The following TTC28 variants were observed in gnomAD, a reference collection of about 807,000 sequenced individuals.
TTC28 encodes tetratricopeptide repeat protein 28.
TTC28 carries 61 observed loss-of-function variants against 198.0 expected under a neutral mutation model. The ratio of observed to expected loss-of-function variants is 0.31; its 90% CI spans 0.25 to 0.38. TTC28 has a LOEUF of 0.38. TTC28 is among the 10% of genes least tolerant of loss of function. The probability of loss-of-function intolerance (pLI) is 1.00; values close to 1 mark genes in which losing one functional copy is unlikely to be tolerated. For synonymous variants in TTC28, 1,171 were observed against 1,297.8 expected (o/e 0.90, Z 2.10); for missense variants, 2,678 against 3,164.0 (o/e 0.85, Z 3.69).
intron 6 of TTC28, among the ~76,000 whole-genome samples, chr22:28,157,349 A>G (rs1943772137): frequency 6.6e-6 from 1 of 152,234 alleles, no homozygotes; most frequent in Non-Finnish European, 1.5e-5. Flanking sequence ...TGATGGCTTC[A>G]TTGATGAATT....
intron 2 of TTC28, among the ~76,000 whole-genome samples, chr22:28,330,251 A>G (rs2045594068): frequency 6.6e-6 from 1 of 152,212 alleles, no homozygotes; most frequent in African/African-American, 2.4e-5. Context: ...CCCTAGTATT[A>G]CCTATATTTC....
intron 5 of TTC28, among the ~76,000 whole-genome samples, chr22:28,261,488 C>T (rs1360964953): frequency 6.6e-6 from 1 of 152,070 alleles, no homozygotes; most frequent in Non-Finnish European, 1.5e-5. Context: ...AGGATCTTGG[C>T]TTTTATTCTA....
intron 13 of TTC28, among the ~76,000 whole-genome samples, chr22:28,017,989 G>A (rs1569085200): frequency 6.6e-6 from 1 of 152,188 alleles, no homozygotes; most frequent in African/African-American, 2.4e-5. Flanking sequence ...AGGCCGCCAA[G>A]CCCACCTGTG....
intron 2 of TTC28, among the ~76,000 whole-genome samples, chr22:28,392,673 G>T (rs1049460100): frequency 6.6e-6 from 1 of 152,156 alleles, no homozygotes; most frequent in African/African-American, 2.4e-5. Flanking sequence ...CGCTTCCCGA[G>T]TGAGGCAATG....
chr22:28,651,311 C>CTTTTTTTTTTTT (rs111469498), intron 1 of TTC28, among the ~76,000 whole-genome samples: 1 of 147,456 alleles, frequency 6.8e-6, no homozygotes, highest in Non-Finnish European at 1.5e-5. Flanking sequence ...TCTGTCACTC[C>CTTTTTTTTTTTT]TTTTTTTTGA....
chr22:28,290,960 C>T (rs556129228), intron 5 of TTC28, among the ~76,000 whole-genome samples: 81 of 151,744 alleles, frequency 5.3e-4, no homozygotes, highest in Non-Finnish European at 9.9e-4. Context: ...CAATAAGATA[C>T]CTGAAGTGTA....
chr22:28,096,293 A>G lies in TTC28; in HGVS notation c.3663T>C (p.Thr1221=), dbSNP rs1317236918. 3 of 1,551,788 alleles carry G rather than the reference A, an allele frequency of 1.9e-6. No homozygotes were observed. Among genetic ancestry groups the G allele is most frequent in the African/African-American group, 1.4e-5 (1 of 73,028 alleles). ...QQDSDPYSPV[T]IDQILEMVNG... ...TTACCATCTCTAAGATCTGATCAAT[A>G]GTGACTGGGGAGTAGGGGTCGGAGT... The change falls in exon 11 of 23, where the codon ACT becomes ACC. Residue 1221 remains threonine (T), a synonymous_variant. Transcript: ENST00000397906.
chr22:28,536,182 G>A (rs1363009326), intron 2 of TTC28, among the ~76,000 whole-genome samples: 6 of 113,218 alleles, frequency 5.3e-5, no homozygotes, highest in African/African-American at 1.3e-4. Context: ...CTGGGCGACA[G>A]AGCGAGACAC....
intron 2 of TTC28, among the ~76,000 whole-genome samples, chr22:28,597,790 C>T (rs1247870298): frequency 1.3e-5 from 2 of 152,044 alleles, no homozygotes; most frequent in Admixed American, 6.5e-5. Flanking sequence ...ATCCTCTTAC[C>T]TTTTGCGGGG....
intron 12 of TTC28, among the ~76,000 whole-genome samples, chr22:28,065,444 A>ATTC (rs1226024007): frequency 6.6e-6 from 1 of 152,188 alleles, no homozygotes; most frequent in Non-Finnish European, 1.5e-5. Flanking sequence ...GTGCCATAAC[A>ATTC]TTCTTCTTCT....
chr22:28,674,738 G>C (rs2145716922), intron 1 of TTC28, among the ~76,000 whole-genome samples: 1 of 148,544 alleles, frequency 6.7e-6, no homozygotes, highest in South Asian at 2.1e-4. Flanking sequence ...AGGATCACTT[G>C]AACCCAGGAG....
Position 27,981,784 on chromosome 22 carries a change from C to T in TTC28, c.*437G>A, listed in dbSNP as rs191734352. On this transcript the variant is annotated 3_prime_UTR_variant, in exon 23 of 23. Transcript: ENST00000397906. ...ATATATCCCACCCCCAACCAGCAAC[C>T]GAAAGCCTTAGAAAAAGCTCTATTT... 1.9e-3 allele frequency: 291 copies of T among 156,526 alleles called. No individual in the cohort carries two copies. The highest frequency in any genetic ancestry group is 6.1e-3 in the African/African-American group (254 of 41,642). The allele number at this position is 156,526 out of a possible 1,614,324, so 9.7% of individuals were successfully genotyped here. A position where few individuals can be genotyped will look rare whatever the true frequency, so the allele number is the denominator to read the frequency against.
At chr22:28,456,664 C>CT (rs1345747297) in intron 2 of TTC28, among the ~76,000 whole-genome samples, 4 of 152,236 alleles carry the variant, frequency 2.6e-5, no homozygotes, top group Admixed American at 6.5e-5. Flanking sequence ...CAACCTCCAC[C>CT]CCCAGGATTC....
At chr22:28,419,932 T>A (rs576074861) in intron 2 of TTC28, among the ~76,000 whole-genome samples, 30 of 152,308 alleles carry the variant, frequency 2.0e-4, no homozygotes, top group Non-Finnish European at 3.8e-4. Context: ...GATCTTGAAA[T>A]CCATATTACA....
At chr22:28,588,284 T>C (rs1233444860) in intron 2 of TTC28, among the ~76,000 whole-genome samples, 1 of 152,258 alleles carries the variant, frequency 6.6e-6, no homozygotes, top group Non-Finnish European at 1.5e-5. Flanking sequence ...AATTTACCTT[T>C]AAATGTCATT....
At chr22:28,653,295 G>A (rs1043792858) in intron 1 of TTC28, among the ~76,000 whole-genome samples, 1 of 152,146 alleles carries the variant, frequency 6.6e-6, no homozygotes, top group Non-Finnish European at 1.5e-5. Context: ...CTTGAGCCCA[G>A]GAGTTCCAGA....
At chr22:28,229,643 A>G (rs968276566) in intron 5 of TTC28, among the ~76,000 whole-genome samples, 1 of 152,204 alleles carries the variant, frequency 6.6e-6, no homozygotes, top group Non-Finnish European at 1.5e-5. Context: ...GGCAACAAGC[A>G]GCTTCCTAAG....
chr22:28,501,363 T>C (rs2048536305), intron 2 of TTC28, among the ~76,000 whole-genome samples: 1 of 152,052 alleles, frequency 6.6e-6, no homozygotes, highest in Non-Finnish European at 1.5e-5. Flanking sequence ...GGAAAGCAAA[T>C]GAGTGTAAAA....
intron 2 of TTC28, among the ~76,000 whole-genome samples, chr22:28,430,036 A>ATTTTTTT (rs919396993): frequency 9.1e-6 from 1 of 109,976 alleles, no homozygotes. Flanking sequence ...CTGGAATATG[A>ATTTTTTT]TTTTTTTTTT....
Sources: allele counts gnomAD v4.1 joint callset (sites outside exome capture counted in the v4.1 genomes callset), GRCh38; gene constraint gnomAD v4.1.1; transcripts MANE v1.5; gene names NCBI Gene and HGNC (gene_info 2026-07-23, HGNC 2026-07-21).